SOX6: variants seen among roughly 807,000 people sequenced by gnomAD.
SOX6 encodes SRY-box transcription factor 6.
In SOX6, 11 loss-of-function variants were observed where a neutral mutation model predicts 97.8. The observed-to-expected ratio is 0.11, with a 90% CI of 0.07 to 0.19. The LOEUF is 0.19. Ranked by LOEUF, SOX6 falls within the 10% of genes least tolerant of loss-of-function variation. The pLI, the probability that SOX6 is intolerant of heterozygous loss-of-function variation, is 1.00. For missense variants in SOX6, 810 were observed against 1,039.5 expected, an observed-to-expected ratio of 0.78 and a Z score of 3.04; for synonymous variants, 360 against 371.4, an observed-to-expected ratio of 0.97 and a Z score of 0.35.
At chr11:16,013,468 C>T (rs191216554) in intron 13 of SOX6, among the ~76,000 whole-genome samples, 7 of 152,066 alleles carry the variant, frequency 4.6e-5, no homozygotes, top group African/African-American at 1.4e-4. Context: ...CAACCCTTAT[C>T]GGTGGAAAAC....
chr11:16,648,580 A>C (rs1032837840), intron 3 of SOX6, among the ~76,000 whole-genome samples: 1 of 152,236 alleles, frequency 6.6e-6, no homozygotes, highest in Non-Finnish European at 1.5e-5. Flanking sequence ...AGCTCAGGCC[A>C]TTACAACAAC....
chr11:16,321,304 A>G (rs904675896), intron 2 of SOX6, among the ~76,000 whole-genome samples: 1 of 151,968 alleles, frequency 6.6e-6, no homozygotes, highest in African/African-American at 2.4e-5. Context: ...AAGGGATTGA[A>G]GAACAAGTCA....
chr11:16,440,614 T>C (rs772074202), intron 1 of SOX6, among the ~76,000 whole-genome samples: 13 of 152,214 alleles, frequency 8.5e-5, no homozygotes, highest in Non-Finnish European at 1.8e-4. Flanking sequence ...TCTAAAATAG[T>C]ACATTTCCTA....
chr11:16,441,558 T>G (rs1003836239), intron 1 of SOX6, among the ~76,000 whole-genome samples: 2 of 152,192 alleles, frequency 1.3e-5, no homozygotes, highest in African/African-American at 2.4e-5. Flanking sequence ...CAATTTATAT[T>G]ATTTACTATT....
chr11:16,202,112 T>A lies in SOX6; in HGVS notation c.536-15157A>T, dbSNP rs1184530946. ...ACTAAATAACAGAAAAATGCCCATG[T>A]AAAAAATGAGAGTATTAAAATATCT... On this transcript the variant is annotated intron_variant, in intron 4 of 15. Transcript: ENST00000683767. Among the ~76,000 whole-genome samples, 4 of 152,128 alleles carry A rather than the reference T, an allele frequency of 2.6e-5. No individual in the cohort carries two copies. The East Asian group carries it at 7.7e-4, about 29-fold the overall frequency.
chr11:16,566,724 C>T (rs1847876727), intron 4 of SOX6, among the ~76,000 whole-genome samples: 1 of 152,196 alleles, frequency 6.6e-6, no homozygotes. Context: ...TCATACATGG[C>T]TCATGGAAAG....
intron 4 of SOX6, among the ~76,000 whole-genome samples, chr11:16,568,315 C>T (rs1351933040): frequency 6.6e-6 from 1 of 152,052 alleles, no homozygotes; most frequent in African/African-American, 2.4e-5. Flanking sequence ...ATTTAGAAAA[C>T]ATTACACTAA....
intron 6 of SOX6, among the ~76,000 whole-genome samples, chr11:16,150,017 A>G (rs1850420038): frequency 6.6e-6 from 1 of 152,206 alleles, no homozygotes; most frequent in Non-Finnish European, 1.5e-5. Flanking sequence ...GTTTGGAAGC[A>G]TTTTAGAGAT....
At chr11:16,059,287 T>C (rs1847891253) in intron 9 of SOX6, among the ~76,000 whole-genome samples, 1 of 152,106 alleles carries the variant, frequency 6.6e-6, no homozygotes, top group African/African-American at 2.4e-5. Flanking sequence ...ATCTTAACAC[T>C]GTTTAATGCT....
chr11:16,145,596 A>C lies in SOX6; in HGVS notation c.778-33673T>G, dbSNP rs1269667963. 2.0e-5 allele frequency among the ~76,000 whole-genome samples: 3 copies of C among 152,184 alleles called. No homozygotes were observed. In the East Asian group the frequency reaches 5.8e-4, roughly 29 times the overall value. ...GTAGATGACCTGATTGTATATTTAG[A>C]AAACCCCATCGTCTCAGCCCAAAAT... is the stretch of plus-strand genomic sequence containing the variant. On this transcript the variant is annotated intron_variant, in intron 6 of 15. Coordinates refer to ENST00000683767, the MANE Select transcript of SOX6 (RefSeq NM_001367873.1).
intron 3 of SOX6, among the ~76,000 whole-genome samples, chr11:16,705,599 C>T (rs1848125996): frequency 6.6e-6 from 1 of 151,924 alleles, no homozygotes; most frequent in African/African-American, 2.4e-5. Flanking sequence ...TGCACTCCAA[C>T]CTGGACAACA....
intron 4 of SOX6, among the ~76,000 whole-genome samples, chr11:16,197,311 C>T (rs1010362906): frequency 1.4e-4 from 21 of 152,238 alleles, no homozygotes; most frequent in African/African-American, 5.1e-4. Context: ...GTGGCTGTTG[C>T]AACTACTGAG....
At chr11:16,538,602 AG>A (rs1371608132) in intron 4 of SOX6, among the ~76,000 whole-genome samples, 7 of 152,198 alleles carry the variant, frequency 4.6e-5, no homozygotes, top group Non-Finnish European at 1.0e-4. Flanking sequence ...AGACACACAT[AG>A]GCTCAAAATA....
chr11:16,389,703 T>C (rs1320288932), intron 1 of SOX6, among the ~76,000 whole-genome samples: 3 of 151,990 alleles, frequency 2.0e-5, no homozygotes, highest in Non-Finnish European at 4.4e-5. Context: ...GTGCGGTGGC[T>C]CACGCCTGTA....
intron 4 of SOX6, among the ~76,000 whole-genome samples, chr11:16,526,809 CA>C (rs1861173650): frequency 1.3e-5 from 2 of 151,860 alleles, no homozygotes; most frequent in African/African-American, 4.8e-5. Context: ...ACATAGAACA[CA>C]AAAGAGAAAT....
At chr11:16,003,396 C>T (rs572876613) in intron 13 of SOX6, among the ~76,000 whole-genome samples, 4 of 152,132 alleles carry the variant, frequency 2.6e-5, no homozygotes, top group African/African-American at 9.6e-5. Context: ...ACCTGGTTGC[C>T]AGGTTAGAAT....
chr11:16,509,474 T>C (rs541357391), intron 4 of SOX6, among the ~76,000 whole-genome samples: 17 of 152,168 alleles, frequency 1.1e-4, no homozygotes, highest in African/African-American at 4.1e-4. Context: ...ATTTCTGGGA[T>C]GGTGGTCTAA....
chr11:16,696,460 T>G (rs1216094025), intron 3 of SOX6, among the ~76,000 whole-genome samples: 1 of 152,200 alleles, frequency 6.6e-6, no homozygotes, highest in African/African-American at 2.4e-5. Context: ...ATTATAGGCA[T>G]ACCTTCAGAG....
rs762108675 is a variant in SOX6 at position 16,100,634 on chromosome 11, A to G, written c.899-2946T>C. Among the ~76,000 whole-genome samples, 3 of 151,760 alleles carry G rather than the reference A, an allele frequency of 2.0e-5. No individual in the cohort carries two copies. The Middle Eastern group carries it at 0.01, about 516-fold the overall frequency. ...AGAAACTGACATGAAGCAGAAAATT[A>G]GTAAAACTTAACGGCAGGAGAAGGG... On this transcript the variant is annotated intron_variant, in intron 7 of 15. Coordinates refer to ENST00000683767, the MANE Select transcript of SOX6 (RefSeq NM_001367873.1).
Sources: gnomAD v4.1 joint callset for allele counts (sites outside exome capture counted in the v4.1 genomes callset) on GRCh38, gnomAD v4.1.1 for gene constraint, MANE v1.5 for transcripts, NCBI Gene and HGNC (gene_info 2026-07-23, HGNC 2026-07-21) for gene names.